The following CXADR variants were observed in gnomAD, a reference collection of about 807,000 sequenced individuals.
The protein encoded by CXADR is CXADR cell adhesion molecule, also known as coxsackievirus and adenovirus receptor.
In CXADR, 20 loss-of-function variants were observed where a neutral mutation model predicts 40.3. The ratio of observed to expected loss-of-function variants is 0.50; its 90% confidence interval spans 0.35 to 0.72. The LOEUF is 0.72. Among genes scored for constraint, CXADR ranks in the 30% least tolerant of loss-of-function variants. The probability of loss-of-function intolerance (pLI) is 0.01; values close to 1 mark genes in which losing one functional copy is unlikely to be tolerated. For synonymous variants in CXADR, 150 were observed against 161.3 expected, an observed-to-expected ratio of 0.93 and a Z score of 0.53; for missense variants, 332 against 449.1, an observed-to-expected ratio of 0.74 and a Z score of 2.36.
Position 17,570,073 on chromosome 21 carries a change from A to G in CXADR, c.*4381A>G, listed in dbSNP as rs530664080. Reference sequence around the variant, plus strand: ...TTGCTCTAGTTTTGTGACCTTGTGTACTTTTGAAATAAAATCAAGAAAGCA... The same window carrying G: ...TTGCTCTAGTTTTGTGACCTTGTGTGCTTTTGAAATAAAATCAAGAAAGCA... On this transcript the variant is annotated 3_prime_UTR_variant, in exon 7 of 7. Coordinates refer to ENST00000284878, the MANE Select transcript of CXADR (RefSeq NM_001338.5). The G allele has an allele frequency of 1.1e-5, 11 of 985,308 alleles. No homozygotes were observed. Among genetic ancestry groups the G allele is most frequent in the Non-Finnish European group, 1.3e-5 (11 of 829,924 alleles). 61.0% of individuals were successfully genotyped at this position (985,308 alleles called of 1,614,324 possible).
intron 1 of CXADR, chr21:17,543,016 T>C (rs999590922): frequency 1.1e-5 from 4 of 360,900 alleles, no homozygotes; most frequent in Non-Finnish European, 2.2e-5. Context: ...AGATTTTAAT[T>C]CATTTCTAGT....
At chr21:17,527,776 G>C (rs1376609805) in intron 1 of CXADR, among the ~76,000 whole-genome samples, 2 of 151,656 alleles carry the variant, frequency 1.3e-5, no homozygotes, top group Non-Finnish European at 2.9e-5. Flanking sequence ...ACTTATAGTT[G>C]CTGCTCCTTT....
At chr21:17,590,921 T>TG (rs1367162093) in intron 7 of CXADR, among the ~76,000 whole-genome samples, 1 of 152,078 alleles carries the variant, frequency 6.6e-6, no homozygotes, top group Non-Finnish European at 1.5e-5. Context: ...TACTATCAGA[T>TG]GATCAGCCAG....
chr21:17,635,712 C>G, the CXADR span, among the ~76,000 whole-genome samples: 1 of 152,310 alleles, frequency 6.6e-6, no homozygotes, highest in South Asian at 2.1e-4. Context: ...GAAAACCACA[C>G]ACACACAAAA....
At chr21:17,514,104 T>C (rs925351837) in intron 1 of CXADR, among the ~76,000 whole-genome samples, 1 of 152,226 alleles carries the variant, frequency 6.6e-6, no homozygotes, top group African/African-American at 2.4e-5. Flanking sequence ...ATCTTGTTTG[T>C]CAAACTAAGC....
At chr21:17,559,192 G>A (rs945303601) in intron 4 of CXADR, 61 bp downstream of exon 4, 5 of 1,526,396 alleles carry the variant, frequency 3.3e-6, no homozygotes, top group Non-Finnish European at 4.5e-6. Context: ...TCTAGTAGGG[G>A]TGTGTGTGTG....
intron 7 of CXADR, among the ~76,000 whole-genome samples, chr21:17,591,866 C>CTT: frequency 6.6e-6 from 1 of 152,044 alleles, no homozygotes; most frequent in African/African-American, 2.4e-5. Flanking sequence ...GTTTGGCAAA[C>CTT]TTTTGTACCC....
At chr21:17,624,531 T>C in the CXADR span, among the ~76,000 whole-genome samples, 1 of 152,220 alleles carries the variant, frequency 6.6e-6, no homozygotes. Flanking sequence ...GGAATCTCTC[T>C]GATTTTTCCC....
intron 2 of CXADR, among the ~76,000 whole-genome samples, chr21:17,548,772 A>G (rs2060930737): frequency 6.6e-6 from 1 of 152,258 alleles, no homozygotes; most frequent in South Asian, 2.1e-4. Flanking sequence ...CAAGTCGTCC[A>G]TGCTGAGTGA....
At chr21:17,619,217 C>G in the CXADR span, among the ~76,000 whole-genome samples, 1 of 151,906 alleles carries the variant, frequency 6.6e-6, no homozygotes, top group East Asian at 2.0e-4. Context: ...CTGCATTATC[C>G]CCTATTAAGA....
chr21:17,517,157 TG>T (rs1294554690), intron 1 of CXADR, among the ~76,000 whole-genome samples: 4 of 152,162 alleles, frequency 2.6e-5, no homozygotes, highest in Admixed American at 2.6e-4. Flanking sequence ...GGCCAGGAAA[TG>T]ATATATTTTC....
At chr21:17,514,794 C>T (rs181569049) in intron 1 of CXADR, among the ~76,000 whole-genome samples, 162 of 151,902 alleles carry the variant, frequency 1.1e-3, no homozygotes, top group African/African-American at 3.7e-3. Context: ...CCACCATGCC[C>T]GGCTAACTTT....
downstream of CXADR, among the ~76,000 whole-genome samples, chr21:17,572,304 A>G (rs1377734866): frequency 1.3e-5 from 2 of 150,868 alleles, no homozygotes; most frequent in Admixed American, 6.6e-5. Flanking sequence ...TGGGAGGCAG[A>G]GGTTGCAGTG....
chr21:17,605,015 T>G, the CXADR span: 2 of 1,611,174 alleles, frequency 1.2e-6, no homozygotes, highest in African/African-American at 1.3e-5. Context: ...AAAGTGGAGT[T>G]ACGTTAATGG....
chr21:17,604,826 G>T, the CXADR span: 1 of 1,595,412 alleles, frequency 6.3e-7, no homozygotes, highest in African/African-American at 1.3e-5. Context: ...TTCCAGCATG[G>T]TCATCAGTTC....
chr21:17,567,251 A>G lies in CXADR; in HGVS notation c.*1559A>G, dbSNP rs191898366. ...TGCTATATTATGAACGGTGGCATGT[A>G]TTTACAGTTAGAGTATTGTGTGTAC... On this transcript the variant is annotated 3_prime_UTR_variant, in exon 7 of 7. Transcript: ENST00000284878. The G allele has an allele frequency of 6.1e-5, 60 of 985,398 alleles. No homozygotes were observed. In the East Asian group the frequency reaches 4.5e-3, roughly 75 times the overall value. The allele number at this position is 985,398 out of a possible 1,614,324, so 61.0% of individuals were successfully genotyped here.
chr21:17,525,088 T>C (rs2060582958), intron 1 of CXADR, among the ~76,000 whole-genome samples: 1 of 152,130 alleles, frequency 6.6e-6, no homozygotes, highest in Non-Finnish European at 1.5e-5. Flanking sequence ...TTAGGGTAAG[T>C]GTGAGATCAG....
At chr21:17,573,057 G>C (rs1265626750), downstream of CXADR, among the ~76,000 whole-genome samples, 1 of 152,162 alleles carries the variant, frequency 6.6e-6, no homozygotes, top group Non-Finnish European at 1.5e-5. Context: ...CAAAATCAAG[G>C]TATTGGCAAG....
chr21:17,629,904 G>A, the CXADR span, among the ~76,000 whole-genome samples: 1 of 152,142 alleles, frequency 6.6e-6, no homozygotes, highest in African/African-American at 2.4e-5. Flanking sequence ...AGTCAATAAC[G>A]TTACAGGGAA....
Sources: gnomAD v4.1 joint callset for allele counts (sites outside exome capture counted in the v4.1 genomes callset) on GRCh38, gnomAD v4.1.1 for gene constraint, MANE v1.5 for transcripts, NCBI Gene and HGNC (gene_info 2026-07-23, HGNC 2026-07-21) for gene names.